Variants in LIMCH1 observed in about 807,000 individuals in gnomAD.
The protein encoded by LIMCH1 is LIM and calponin homology domains-containing protein 1.
A neutral mutation model predicts 176.5 loss-of-function variants in LIMCH1; 113 were observed. The observed-to-expected ratio is 0.64, with a 90% CI of 0.55 to 0.75. LIMCH1 has a LOEUF of 0.75. LIMCH1 is among the 30% of genes least tolerant of loss of function. The pLI, the probability that LIMCH1 is intolerant of heterozygous loss-of-function variation, is 0.00. For missense variants in LIMCH1, 1,674 were observed against 1,814.9 expected (o/e 0.92, Z 1.41); for synonymous variants, 619 against 645.9 (o/e 0.96, Z 0.63).
chr4:41,368,335 G>A (rs1050360243), intron 1 of LIMCH1, among the ~76,000 whole-genome samples: 5 of 152,212 alleles, frequency 3.3e-5, no homozygotes, highest in African/African-American at 9.6e-5. Context: ...GTGCAGCATA[G>A]TGTTAGGCAT....
At chr4:41,451,238 C>T (rs940563029) in intron 1 of LIMCH1, among the ~76,000 whole-genome samples, 4 of 152,086 alleles carry the variant, frequency 2.6e-5, no homozygotes, top group Non-Finnish European at 5.9e-5. Context: ...GCCTCAGCCT[C>T]CCGAGTAGCT....
At chr4:41,665,624 G>A (rs1279184969) in intron 20 of LIMCH1, among the ~76,000 whole-genome samples, 1 of 152,106 alleles carries the variant, frequency 6.6e-6, no homozygotes, top group African/African-American at 2.4e-5. Context: ...AGGGAACACA[G>A]CCACCAGCCA....
intron 1 of LIMCH1, among the ~76,000 whole-genome samples, chr4:41,590,827 ATTGT>A (rs1342467815): frequency 6.6e-6 from 1 of 152,154 alleles, no homozygotes; most frequent in Non-Finnish European, 1.5e-5. Flanking sequence ...GCAAGTGCTG[ATTGT>A]TGTTGGACAT....
At chr4:41,632,706 T>G in intron 10 of LIMCH1, 43 bp from the exon 11 acceptor site, 1 of 1,460,126 alleles carries the variant, frequency 6.8e-7, no homozygotes, top group African/African-American at 1.4e-5. Flanking sequence ...GTAACCCATG[T>G]TCCTCTCCTC....
At chr4:41,388,835 G>GT (rs1219482310) in intron 1 of LIMCH1, among the ~76,000 whole-genome samples, 1 of 152,068 alleles carries the variant, frequency 6.6e-6, no homozygotes, top group Non-Finnish European at 1.5e-5. Flanking sequence ...TAGAGATGGG[G>GT]TTTTGCCATG....
At chr4:41,426,615 A>G (rs2061132530) in intron 1 of LIMCH1, among the ~76,000 whole-genome samples, 2 of 152,210 alleles carry the variant, frequency 1.3e-5, no homozygotes, top group African/African-American at 4.8e-5. Flanking sequence ...TCTGGGTGTA[A>G]AGAGTCCAAT....
At chr4:41,396,670 G>T (rs931525594) in intron 1 of LIMCH1, among the ~76,000 whole-genome samples, 1 of 152,138 alleles carries the variant, frequency 6.6e-6, no homozygotes, top group African/African-American at 2.4e-5. Context: ...GGAGGCCGAG[G>T]TGGGCAGATC....
chr4:41,515,749 T>C (rs1408896062), intron 2 of LIMCH1, among the ~76,000 whole-genome samples: 1 of 152,214 alleles, frequency 6.6e-6, no homozygotes, highest in Non-Finnish European at 1.5e-5. Flanking sequence ...TCTCTGGAGC[T>C]TCCTGCTGCT....
chr4:41,485,563 A>G (rs2069371915), intron 1 of LIMCH1, among the ~76,000 whole-genome samples: 1 of 152,142 alleles, frequency 6.6e-6, no homozygotes, highest in Admixed American at 6.5e-5. Context: ...CCTTTAATGG[A>G]GATATATATG....
chr4:41,412,379 A>G (rs374161407), intron 1 of LIMCH1, among the ~76,000 whole-genome samples: 6 of 152,206 alleles, frequency 3.9e-5, no homozygotes, highest in African/African-American at 1.2e-4. Context: ...GCATATCTCA[A>G]TCTGCATTTT....
intron 1 of LIMCH1, among the ~76,000 whole-genome samples, chr4:41,584,260 A>G (rs959944959): frequency 2.9e-4 from 44 of 152,082 alleles, no homozygotes; most frequent in African/African-American, 1.0e-3. Context: ...TTTGACTCCT[A>G]TTTGTCTCAC....
intron 1 of LIMCH1, among the ~76,000 whole-genome samples, chr4:41,560,489 G>T (rs1299384015): frequency 2.0e-5 from 3 of 152,170 alleles, no homozygotes; most frequent in Non-Finnish European, 4.4e-5. Context: ...ACATAGACAT[G>T]AATGAAAACC....
chr4:41,560,965 C>T (rs1468875113), intron 1 of LIMCH1, among the ~76,000 whole-genome samples: 1 of 151,480 alleles, frequency 6.6e-6, no homozygotes, highest in Non-Finnish European at 1.5e-5. Flanking sequence ...TGCCGTGAGC[C>T]ATGATTACAG....
upstream of LIMCH1, among the ~76,000 whole-genome samples, chr4:41,534,853 C>T (rs1229634878): frequency 1.3e-5 from 2 of 151,954 alleles, no homozygotes; most frequent in Admixed American, 6.6e-5. Flanking sequence ...TTAGCAATTG[C>T]ACTTAGAATT....
At chr4:41,371,244 C>T (rs978436228) in intron 1 of LIMCH1, among the ~76,000 whole-genome samples, 1 of 152,176 alleles carries the variant, frequency 6.6e-6, no homozygotes, top group Non-Finnish European at 1.5e-5. Context: ...CTTCTATATA[C>T]ATAGCACCGT....
At chr4:41,393,137 A>G (rs1426558557) in intron 1 of LIMCH1, among the ~76,000 whole-genome samples, 1 of 152,254 alleles carries the variant, frequency 6.6e-6, no homozygotes. Context: ...TTATGTGCCA[A>G]CTTTGTGATA....
At chr4:41,409,360 G>A (rs1287145521) in intron 1 of LIMCH1, among the ~76,000 whole-genome samples, 1 of 152,018 alleles carries the variant, frequency 6.6e-6, no homozygotes, top group East Asian at 1.9e-4. Context: ...GGCTCTTCTA[G>A]GCCCAGAATA....
intron 1 of LIMCH1, among the ~76,000 whole-genome samples, chr4:41,405,790 A>G (rs2058897700): frequency 1.3e-5 from 2 of 151,924 alleles, no homozygotes; most frequent in African/African-American, 4.9e-5. Context: ...AATGAAACAT[A>G]AAATCTTGTT....
intron 1 of LIMCH1, among the ~76,000 whole-genome samples, chr4:41,394,137 G>A (rs760624611): frequency 2.6e-5 from 4 of 152,084 alleles, no homozygotes; most frequent in East Asian, 3.9e-4. Context: ...TTCCATTTCC[G>A]TAGTGTGCTA....
Sources: gnomAD v4.1 joint callset for allele counts (sites outside exome capture counted in the v4.1 genomes callset) on GRCh38, gnomAD v4.1.1 for gene constraint, MANE v1.5 for transcripts, NCBI Gene and HGNC (gene_info 2026-07-23, HGNC 2026-07-21) for gene names.